MTA1: variants seen among roughly 807,000 people sequenced by gnomAD.
The protein encoded by MTA1 is metastasis-associated protein MTA1.
A neutral mutation model predicts 97.0 loss-of-function variants in MTA1; 15 were observed. The ratio of observed to expected loss-of-function variants is 0.15; its 90% CI spans 0.10 to 0.24. The LOEUF (loss-of-function observed/expected upper bound fraction) is 0.24, where lower values mean the gene tolerates loss of function less well. Ranked by LOEUF, MTA1 falls within the 10% of genes least tolerant of loss-of-function variation. The pLI is 1.00. For missense variants in MTA1, 709 were observed against 1,015.1 expected, an observed-to-expected ratio of 0.70 and a Z score of 4.10; for synonymous variants, 435 against 417.5, an observed-to-expected ratio of 1.04 and a Z score of -0.51.
chr14:105,429,124 C>T (rs1233698025), intron 1 of MTA1, among the ~76,000 whole-genome samples: 1 of 152,202 alleles, frequency 6.6e-6, no homozygotes, highest in African/African-American at 2.4e-5. Context: ...TCCTCACCTC[C>T]CTCAGCCTTC....
chr14:105,437,365 G>C (rs1005352143), intron 1 of MTA1, among the ~76,000 whole-genome samples: 1 of 151,968 alleles, frequency 6.6e-6, no homozygotes, highest in South Asian at 2.1e-4. Context: ...CTGCAGGTGC[G>C]TCCTCAGGGG....
At chr14:105,432,652 T>TC (rs1325948992) in intron 1 of MTA1, among the ~76,000 whole-genome samples, 1 of 152,256 alleles carries the variant, frequency 6.6e-6, no homozygotes, top group East Asian at 1.9e-4. Context: ...TGCATGATGT[T>TC]CTCTACGTTC....
In MTA1 at chr14:105,464,048, A is replaced by G; in HGVS notation, c.1093A>G (p.Asn365Asp). Residue 365 changes from asparagine (N) to aspartate (D), a missense_variant, in exon 13 of 21, where the codon AAC becomes GAC. This residue lies in a region of MTA1 where 321 missense variants were observed against 593.5 expected (regional missense o/e 0.54). Transcript: ENST00000331320. ...CTCTTTAAGTAACAAGCCAAATCCG[A>G]ACCAAATCAGCGTCAACAACGTCAA... ...YIPNYNKPNP[N>D]QISVNNVKAG... 2 of 1,612,582 alleles carry G rather than the reference A, an allele frequency of 1.2e-6. No individual in the cohort carries two copies. The highest frequency in any genetic ancestry group is 1.7e-6 in the Non-Finnish European group (2 of 1,179,790).
In MTA1 at chr14:105,445,339, C is replaced by G. The variant is rs371305009; in HGVS notation, c.97-79C>G. 8.9e-6 allele frequency: 12 copies of G among 1,354,586 alleles called. No individual in the cohort carries two copies. The South Asian group carries it at 1.0e-4, about 11-fold the overall frequency. 83.9% of individuals were successfully genotyped at this position (1,354,586 alleles called of 1,614,324 possible). On this transcript the variant is annotated intron_variant, in intron 2 of 20. Transcript: ENST00000331320. Reference sequence around the variant, plus strand: ...CCTGCAGTCCCTGGACGGCAGGGTCCGGCCTTGGAGCCCCTCCTGGGAGCT... The same window carrying G: ...CCTGCAGTCCCTGGACGGCAGGGTCGGGCCTTGGAGCCCCTCCTGGGAGCT...
chr14:105,463,960 G>A lies in MTA1; in HGVS notation c.1077-72G>A. The A allele has an allele frequency of 6.8e-7, 1 of 1,470,612 alleles. No individual in the cohort carries two copies. Among genetic ancestry groups the A allele is most frequent in the African/African-American group, 1.4e-5 (1 of 72,410 alleles). The allele number at this position is 1,470,612 out of a possible 1,614,324, so 91.1% of individuals were successfully genotyped here. On this transcript the variant is annotated intron_variant, in intron 12 of 20. Transcript: ENST00000331320. The surrounding 1 kb of genome is among the most constrained non-coding windows in gnomAD (Gnocchi z 5.9). The stretch of plus-strand genomic sequence containing the variant: ...TGGACAAGGGGTGGTCAGCCGCGGT[G>A]CCTGCTGGGCACATGGGCCCTCGAG...
chr14:105,423,511 G>T (rs1461653434), intron 1 of MTA1, among the ~76,000 whole-genome samples: 1 of 152,068 alleles, frequency 6.6e-6, no homozygotes, highest in South Asian at 2.1e-4. Flanking sequence ...GCTCATGCCC[G>T]GCCTTTTTGT....
chr14:105,462,496 G>A (rs1361542146), intron 10 of MTA1, among the ~76,000 whole-genome samples: 4 of 152,032 alleles, frequency 2.6e-5, no homozygotes, highest in Admixed American at 6.5e-5. Context: ...TTGAACCCCC[G>A]GGGGTGGAAG....
chr14:105,448,116 G>A (rs1352014872), intron 3 of MTA1, among the ~76,000 whole-genome samples: 5 of 152,146 alleles, frequency 3.3e-5, no homozygotes, highest in Non-Finnish European at 7.4e-5. Context: ...GACAGGGAGA[G>A]GGGAACGTCC....
rs1165851509 is a variant in MTA1 at position 105,422,742 on chromosome 14, G to A, written c.28+2679G>A. Among the ~76,000 whole-genome samples the A allele has an allele frequency of 6.6e-6, 1 of 152,228 alleles. No individual in the cohort carries two copies. Among genetic ancestry groups the A allele is most frequent in the Non-Finnish European group, 1.5e-5 (1 of 68,034 alleles). On this transcript the variant is annotated intron_variant, in intron 1 of 20. Coordinates refer to ENST00000331320, the MANE Select transcript of MTA1 (RefSeq NM_004689.4). The surrounding 1 kb of genome is among the most constrained non-coding windows in gnomAD (Gnocchi z 4.3). ...CCGAGGCCCTGCCAGGTTGGGCTAG[G>A]CAGGGTGAAGGTGTGGTGGCAGTAT...
chr14:105,423,638 G>A (rs2081920222), intron 1 of MTA1, among the ~76,000 whole-genome samples: 2 of 152,252 alleles, frequency 1.3e-5, no homozygotes, highest in Non-Finnish European at 2.9e-5. Context: ...AGGGCCGCGG[G>A]CTCTGCCCCG....
rs150166914 is a variant in MTA1 at position 105,434,224 on chromosome 14, A to C, written c.29-4448A>C. On this transcript the variant is annotated intron_variant, in intron 1 of 20. Coordinates refer to ENST00000331320, the MANE Select transcript of MTA1 (RefSeq NM_004689.4). ...GCCTGCACAGCCTGGAGTATTGACT[A>C]TCTGGACCTTTATAGGAAGCTCACC... Among the ~76,000 whole-genome samples, 735 of 152,262 alleles carry C rather than the reference A, an allele frequency of 4.8e-3. 2 individuals are homozygous for C. The highest frequency in any genetic ancestry group is 8.2e-3 in the Non-Finnish European group (561 of 68,020).
At chr14:105,432,296 A>T (rs181223234) in intron 1 of MTA1, among the ~76,000 whole-genome samples, 1 of 152,240 alleles carries the variant, frequency 6.6e-6, no homozygotes, top group Admixed American at 6.5e-5. Flanking sequence ...GCTGGAGTGC[A>T]GTGGCGTGAT....
At chr14:105,427,611 T>G (rs28537945) in intron 1 of MTA1, among the ~76,000 whole-genome samples, 6,123 of 152,322 alleles carry the variant, frequency 0.04, 400 homozygotes, top group African/African-American at 0.14. Flanking sequence ...AACCTGACCC[T>G]GTATTTCCTG....
At position 105,466,426 on chromosome 14, in the gene MTA1, A is replaced by AGGGGGGGCGGC; in HGVS notation, c.1626_1627insGGGGGGCGGCG (p.Thr543GlyfsTer15). ...GTTCTGCCTGTGTCATTCCCGGCAG[A>AGGGGGGGCGGC]GACCCACCCCCGCCCCCCCAAGCCT... On this transcript the variant is annotated frameshift_variant and splice_region_variant, in exon 17 of 21. Transcript: ENST00000331320. LOFTEE classifies it high-confidence loss of function. 6.7e-7 allele frequency: 1 copy of AGGGGGGGCGGC among 1,484,226 alleles called. No individual in the cohort carries two copies. 91.9% of individuals were successfully genotyped at this position (1,484,226 alleles called of 1,614,324 possible).
Position 105,464,144 on chromosome 14 carries a change from T to C in MTA1, c.1189T>C (p.Tyr397His). 6.2e-7 allele frequency: 1 copy of C among 1,608,874 alleles called. No homozygotes were observed. Among genetic ancestry groups the C allele is most frequent in the Non-Finnish European group, 8.5e-7 (1 of 1,178,694 alleles). ...GGCTGGCCGGGCCTGCGAGAGCTGT[T>C]ACAGTAAGTGCCCTGGATGGCCGGG... is the stretch of plus-strand genomic sequence containing the variant. Reference protein sequence around the residue: ...PGAGRACESCYTTQSYQWYSW... With the variant: ...PGAGRACESCHTTQSYQWYSW... The change falls in exon 13 of 21, where the codon TAC becomes CAC. Residue 397 changes from tyrosine (Y) to histidine (H), a missense_variant. Tyr to His is a moderately conservative substitution (Grantham distance 83, BLOSUM62 2). Around this residue, in one of 2 missense-constraint regions of MTA1, gnomAD observed 321 missense variants for 593.5 expected, o/e 0.54. Transcript: ENST00000331320.
Position 105,469,870 on chromosome 14 carries a change from G to T in MTA1, c.1875G>T (p.Gly625=). 3 of 1,610,056 alleles carry T rather than the reference G, an allele frequency of 1.9e-6. No individual in the cohort carries two copies. The highest frequency in any genetic ancestry group is 2.5e-6 in the Non-Finnish European group (3 of 1,178,818). ...CAAGCCGGAACCTCCTGCTCAACGG[G>T]AAGTCCTACCCCACCAAAGTGCGCC... ...MGPSRNLLLN[G]KSYPTKVRLI... is the part of the protein sequence containing the mutation. Residue 625 remains glycine, a synonymous_variant, in exon 20 of 21, where the codon GGG becomes GGT. Coordinates refer to ENST00000331320, the MANE Select transcript of MTA1 (RefSeq NM_004689.4).
At chr14:105,449,338 T>C (rs2082833698) in intron 3 of MTA1, 21 bp from the exon 4 acceptor site, 2 of 1,610,222 alleles carry the variant, frequency 1.2e-6, no homozygotes, top group South Asian at 1.1e-5. Flanking sequence ...TGCTGCCGGG[T>C]GCTGTCTGTC....
At chr14:105,454,056 C>T (rs1555429280) in intron 6 of MTA1, 137 bp from the exon 7 acceptor site, 1 of 614,350 alleles carries the variant, frequency 1.6e-6, no homozygotes, top group African/African-American at 1.8e-5. Context: ...TGCGCCCTCC[C>T]TCCCTCCTGC....
rs587708976 is a variant in MTA1, at chr14:105,469,067, G to A, written c.1814-400G>A. The A allele has an allele frequency of 3.4e-4, 150 of 438,852 alleles. 1 individual carries two copies. Among genetic ancestry groups the A allele is most frequent in the African/African-American group, 2.8e-3 (138 of 49,636 alleles). The allele number at this position is 438,852 out of a possible 1,614,324, so 27.2% of individuals were successfully genotyped here. ...GGAAAAAGCCCGGCCTCCTGGTGGG[G>A]CAGTGCCGGCCACAGCGTGGCTGCC... On this transcript the variant is annotated intron_variant, in intron 18 of 20. Coordinates refer to ENST00000331320, the MANE Select transcript of MTA1 (RefSeq NM_004689.4).
Sources: gnomAD v4.1 joint callset for allele counts (sites outside exome capture counted in the v4.1 genomes callset) on GRCh38, gnomAD v4.1.1 for gene constraint, gnomAD v4.1.1 regional missense constraint, Gnocchi (gnomAD v3.1) non-coding constraint, MANE v1.5 for transcripts, NCBI Gene and HGNC (gene_info 2026-07-23, HGNC 2026-07-21) for gene names.